UNC79: variants seen among roughly 807,000 people sequenced by gnomAD.
UNC79 encodes the protein protein unc-79 homolog.
A neutral mutation model predicts 283.1 loss-of-function variants in UNC79; 37 were observed. The observed-to-expected ratio is 0.13, with a 90% CI of 0.10 to 0.17. The LOEUF (loss-of-function observed/expected upper bound fraction) is 0.17. Ranked by LOEUF, UNC79 falls within the 10% of genes least tolerant of loss-of-function variation. UNC79 has a pLI of 1.00. For missense variants in UNC79, 2,272 were observed against 3,211.1 expected, an observed-to-expected ratio of 0.71 and a Z score of 7.07; for synonymous variants, 1,107 against 1,200.2, an observed-to-expected ratio of 0.92 and a Z score of 1.61.
chr14:93,679,408 G>A (rs770893141), intron 41 of UNC79, among the ~76,000 whole-genome samples: 9 of 152,186 alleles, frequency 5.9e-5, no homozygotes, highest in South Asian at 2.1e-4. Context: ...GCAGTGAGCC[G>A]AGATCGCGCG....
intron 1 of UNC79, among the ~76,000 whole-genome samples, chr14:93,444,544 G>C (rs2056407701): frequency 6.6e-6 from 1 of 151,986 alleles, no homozygotes. Context: ...TTTTCTTCTA[G>C]AAGTTTAATG....
intron 1 of UNC79, chr14:93,464,667 TAGA>T (rs1385036287): frequency 4.5e-6 from 2 of 449,140 alleles, no homozygotes; most frequent in East Asian, 7.0e-5. Flanking sequence ...TTGAAGAGTG[TAGA>T]AGAAGGAGCT....
intron 42 of UNC79, 44 bp from the exon 46 acceptor site, chr14:93,686,528 G>A (rs771508627): frequency 1.2e-6 from 2 of 1,604,304 alleles, no homozygotes; most frequent in African/African-American, 1.3e-5. Context: ...ATTGGAGTCA[G>A]GGCAAAAATG....
chr14:93,668,978 T>TAAAAAA (rs543609091), intron 40 of UNC79, among the ~76,000 whole-genome samples: 102 of 79,776 alleles, frequency 1.3e-3, no homozygotes, highest in Middle Eastern at 7.6e-3. Context: ...GAACATTGTC[T>TAAAAAA]AAAAAAAAAA....
chr14:93,453,851 C>A (rs2056719607), intron 1 of UNC79, among the ~76,000 whole-genome samples: 1 of 152,234 alleles, frequency 6.6e-6, no homozygotes, highest in South Asian at 2.1e-4. Context: ...TTCATCACAT[C>A]ATGAAATGAA....
At chr14:93,620,597 A>G (rs2067061116) in intron 29 of UNC79, among the ~76,000 whole-genome samples, 2 of 152,176 alleles carry the variant, frequency 1.3e-5, no homozygotes, top group South Asian at 4.2e-4. Context: ...ATCTGGTGTT[A>G]AGCACACTGG....
chr14:93,533,413 C>G (rs1336514593), intron 11 of UNC79, among the ~76,000 whole-genome samples: 2 of 152,184 alleles, frequency 1.3e-5, no homozygotes, highest in Non-Finnish European at 2.9e-5. Flanking sequence ...CTCAGCTCAG[C>G]TAAGCAGTTC....
intron 1 of UNC79, among the ~76,000 whole-genome samples, chr14:93,461,016 T>C (rs1329680975): frequency 6.6e-6 from 1 of 152,216 alleles, no homozygotes; most frequent in Non-Finnish European, 1.5e-5. Flanking sequence ...AAAATGATGA[T>C]ATAGAAGTGC....
intron 1 of UNC79, among the ~76,000 whole-genome samples, chr14:93,339,392 C>T (rs557636289): frequency 3.9e-5 from 6 of 152,242 alleles, no homozygotes; most frequent in Non-Finnish European, 7.4e-5. Context: ...CTCCACCTCC[C>T]GGGTTCACGC....
chr14:93,636,902 C>T (rs925492324), intron 31 of UNC79, among the ~76,000 whole-genome samples: 5 of 152,148 alleles, frequency 3.3e-5, no homozygotes, highest in Non-Finnish European at 5.9e-5. Context: ...TGATATTAGC[C>T]TTTCGTTTCC....
intron 38 of UNC79, among the ~76,000 whole-genome samples, chr14:93,657,816 A>G (rs1205792803): frequency 6.6e-6 from 1 of 152,176 alleles, no homozygotes; most frequent in Non-Finnish European, 1.5e-5. Context: ...TAAAGGAGAA[A>G]AGATAATAAG....
At chr14:93,661,278 ATTAAG>A (rs1486170115) in intron 39 of UNC79, among the ~76,000 whole-genome samples, 1 of 152,242 alleles carries the variant, frequency 6.6e-6, no homozygotes. Flanking sequence ...CTGATGTTGT[ATTAAG>A]TTAATATAAA....
At chr14:93,660,779 G>A (rs1488593298) in intron 39 of UNC79, among the ~76,000 whole-genome samples, 3 of 151,230 alleles carry the variant, frequency 2.0e-5, no homozygotes, top group African/African-American at 4.9e-5. Context: ...TAGTAGAGAT[G>A]AGGTTTCACC....
At chr14:93,406,769 ACT>A (rs1272632869) in intron 1 of UNC79, among the ~76,000 whole-genome samples, 2 of 152,090 alleles carry the variant, frequency 1.3e-5, no homozygotes, top group African/African-American at 2.4e-5. Context: ...AGAAACTGAA[ACT>A]CTGCAACTTT....
intron 31 of UNC79, 124 bp from the exon 35 acceptor site, chr14:93,637,092 G>A: frequency 1.4e-6 from 1 of 707,418 alleles, no homozygotes; most frequent in Non-Finnish European, 2.6e-6. Context: ...TTCTGTAAAT[G>A]TTAATAATAC....
chr14:93,634,843 C>A (rs980926535), intron 31 of UNC79, among the ~76,000 whole-genome samples: 6 of 152,116 alleles, frequency 3.9e-5, no homozygotes, highest in African/African-American at 1.4e-4. Flanking sequence ...TGAGGCTGGC[C>A]CAACTCTTGT....
intron 47 of UNC79, among the ~76,000 whole-genome samples, chr14:93,695,890 C>CAAAA (rs535235954): frequency 0.018 from 706 of 39,382 alleles, 66 homozygotes; most frequent in Non-Finnish European, 0.022. Context: ...GACTTTGTCT[C>CAAAA]AAAAAAAAAA....
At chr14:93,558,133 T>C (rs2062286158) in intron 14 of UNC79, among the ~76,000 whole-genome samples, 1 of 152,222 alleles carries the variant, frequency 6.6e-6, no homozygotes, top group East Asian at 1.9e-4. Flanking sequence ...CTTATAGGGG[T>C]CCTACACCCA....
intron 20 of UNC79, among the ~76,000 whole-genome samples, chr14:93,583,421 G>A (rs1030148511): frequency 5.3e-5 from 8 of 152,226 alleles, no homozygotes; most frequent in Non-Finnish European, 1.2e-4. Context: ...GTGAGCAGCA[G>A]ATATTATTAG....
Sources: gnomAD v4.1 joint callset for allele counts (sites outside exome capture counted in the v4.1 genomes callset) on GRCh38, gnomAD v4.1.1 for gene constraint, MANE v1.5 for transcripts, NCBI Gene and HGNC (gene_info 2026-07-23, HGNC 2026-07-21) for gene names.